The following SPATA13 variants were observed in gnomAD, a reference collection of about 807,000 sequenced individuals.
SPATA13 encodes the protein spermatogenesis-associated protein 13.
In SPATA13, 50 loss-of-function variants were observed where a neutral mutation model predicts 104.0. The ratio of observed to expected loss-of-function variants is 0.48; its 90% CI spans 0.38 to 0.61. The LOEUF is 0.61. SPATA13 is among the 20% of genes least tolerant of loss of function. SPATA13 has a pLI of 0.00. For synonymous variants in SPATA13, 606 were observed against 667.5 expected (o/e 0.91, Z 1.42); for missense variants, 1,524 against 1,690.6 (o/e 0.90, Z 1.73).
chr13:24,272,181 G>A (rs574221251), intron 4 of SPATA13, among the ~76,000 whole-genome samples: 1 of 152,066 alleles, frequency 6.6e-6, no homozygotes, highest in Admixed American at 6.5e-5. Flanking sequence ...GGGCAGGGGT[G>A]GGGGGCAGGT....
chr13:24,222,232 T>C (rs1333649113), intron 1 of SPATA13, among the ~76,000 whole-genome samples: 1 of 152,114 alleles, frequency 6.6e-6, no homozygotes, highest in Non-Finnish European at 1.5e-5. Flanking sequence ...CCTTGCTGAG[T>C]CCTTCCCGCC....
At chr13:24,271,803 C>G (rs1361543249) in intron 4 of SPATA13, among the ~76,000 whole-genome samples, 1 of 152,132 alleles carries the variant, frequency 6.6e-6, no homozygotes, top group Admixed American at 6.5e-5. Context: ...AGCCTGGGGC[C>G]CTGTCAGAGC....
chr13:24,295,334 G>T (rs1450211744), intron 10 of SPATA13, among the ~76,000 whole-genome samples: 1 of 152,104 alleles, frequency 6.6e-6, no homozygotes, highest in East Asian at 1.9e-4. Context: ...GTACAGGCCA[G>T]GCACAGTGGC....
At chr13:24,143,000 C>T (rs1184408613) in intron 3 of SPATA13, among the ~76,000 whole-genome samples, 8 of 152,202 alleles carry the variant, frequency 5.3e-5, no homozygotes, top group African/African-American at 1.9e-4. Context: ...TGGGTTCACA[C>T]AGAAGCTGAC....
intron 3 of SPATA13, among the ~76,000 whole-genome samples, chr13:24,039,556 G>A (rs2137726840): frequency 6.6e-6 from 1 of 152,240 alleles, no homozygotes; most frequent in Non-Finnish European, 1.5e-5. Context: ...TTCATAAAAG[G>A]GCATTTTTCT....
rs1375697714 is a variant in SPATA13 at position 24,081,959 on chromosome 13, C to CAT, written c.-112+64260_-112+64261dup. ...ATTCCCAGGAGTGGGATTGATGAGC[C>CAT]ATAGGTCATATGCATATCTATTTAT... On this transcript the variant is annotated intron_variant, in intron 3 of 14. Transcript: ENST00000424834. Among the ~76,000 whole-genome samples the CAT allele has an allele frequency of 2.0e-5, 3 of 152,304 alleles. No individual in the cohort carries two copies. In the East Asian group the frequency reaches 5.8e-4, roughly 29 times the overall value.
intron 3 of SPATA13, among the ~76,000 whole-genome samples, chr13:24,151,680 C>T (rs1265634574): frequency 6.6e-6 from 1 of 152,042 alleles, no homozygotes; most frequent in Non-Finnish European, 1.5e-5. Flanking sequence ...GTGGGTACAT[C>T]ACCAACCTAC....
rs113835456 is a variant in SPATA13, at chr13:24,104,239, G to GTTT, written c.-112+86548_-112+86550dup. On this transcript the variant is annotated intron_variant, in intron 3 of 14. Coordinates refer to the SPATA13 transcript ENST00000424834. Reference sequence around the variant, plus strand: ...GTTGAACAATGTAAAGCTAGAATGGGTTTTTTTTTTTTGTTTTTTGGGTTT... The same window carrying GTTT: ...GTTGAACAATGTAAAGCTAGAATGGGTTTTTTTTTTTTTTTGTTTTTTGGGTTT... Among the ~76,000 whole-genome samples, 735 of 144,610 alleles carry GTTT rather than the reference G, an allele frequency of 5.1e-3. 1 individual carries two copies. Among genetic ancestry groups the GTTT allele is most frequent in the African/African-American group, 0.015 (613 of 40,036 alleles). 94.9% of individuals were successfully genotyped at this position (144,610 alleles called of 152,430 possible). A position where few individuals can be genotyped will look rare whatever the true frequency, so the allele number is the denominator to read the frequency against.
At chr13:24,155,103 C>T (rs1430905519) in intron 3 of SPATA13, among the ~76,000 whole-genome samples, 1 of 152,202 alleles carries the variant, frequency 6.6e-6, no homozygotes, top group African/African-American at 2.4e-5. Context: ...CTGCCTCAGC[C>T]TCCCAAAGTG....
chr13:24,133,826 G>C (rs577288137), intron 3 of SPATA13, among the ~76,000 whole-genome samples: 1 of 152,170 alleles, frequency 6.6e-6, no homozygotes, highest in Admixed American at 6.5e-5. Context: ...GGGGCAAGGG[G>C]ACAGGGCAAA....
chr13:24,195,152 T>C (rs2138558928), intron 1 of SPATA13, among the ~76,000 whole-genome samples: 1 of 152,326 alleles, frequency 6.6e-6, no homozygotes, highest in Admixed American at 6.5e-5. Flanking sequence ...ACCTGCCTCC[T>C]GTCTCTATGG....
At chr13:24,090,861 C>T (rs956006303) in intron 3 of SPATA13, among the ~76,000 whole-genome samples, 2 of 152,216 alleles carry the variant, frequency 1.3e-5, no homozygotes. Context: ...TCATGTCTCA[C>T]ATCTTCTGTT....
At chr13:24,244,382 G>A (rs1873004089) in intron 2 of SPATA13, among the ~76,000 whole-genome samples, 1 of 152,188 alleles carries the variant, frequency 6.6e-6, no homozygotes, top group Non-Finnish European at 1.5e-5. Context: ...GAGAAATCAA[G>A]TTATTTTGTC....
chr13:24,079,318 G>A (rs1340465240), intron 3 of SPATA13, among the ~76,000 whole-genome samples: 1 of 152,224 alleles, frequency 6.6e-6, no homozygotes, highest in Non-Finnish European at 1.5e-5. Flanking sequence ...AGAACACTGG[G>A]AAACTGTTGA....
chr13:24,158,069 A>C (rs1287643145), upstream of SPATA13, among the ~76,000 whole-genome samples: 1 of 152,238 alleles, frequency 6.6e-6, no homozygotes, highest in East Asian at 1.9e-4. Context: ...CAACAAAAAA[A>C]GCGCGTTAGA....
chr13:24,056,708 G>A (rs1878557861), intron 3 of SPATA13, among the ~76,000 whole-genome samples: 2 of 152,186 alleles, frequency 1.3e-5, no homozygotes, highest in Admixed American at 6.5e-5. Context: ...GTGAATACAT[G>A]ATACATAGAA....
At chr13:24,089,092 A>G (rs1879830224) in intron 3 of SPATA13, among the ~76,000 whole-genome samples, 1 of 152,256 alleles carries the variant, frequency 6.6e-6, no homozygotes, top group South Asian at 2.1e-4. Context: ...TGAGGACACC[A>G]GTGTGTCAGG....
chr13:24,105,549 A>G (rs554594985), intron 3 of SPATA13, among the ~76,000 whole-genome samples: 8 of 151,976 alleles, frequency 5.3e-5, no homozygotes, highest in African/African-American at 1.5e-4. Context: ...CTTGATAAAT[A>G]GATGTTGAAT....
chr13:24,028,132 A>G (rs1027820726), intron 3 of SPATA13, among the ~76,000 whole-genome samples: 2 of 152,152 alleles, frequency 1.3e-5, no homozygotes, highest in African/African-American at 4.8e-5. Context: ...GGGCTAATAC[A>G]CTTAATCTTT....
Sources: allele counts gnomAD v4.1 joint callset (sites outside exome capture counted in the v4.1 genomes callset), GRCh38; gene constraint gnomAD v4.1.1; transcripts MANE v1.5; gene names NCBI Gene and HGNC (gene_info 2026-07-23, HGNC 2026-07-21).